CCM2: variants seen among roughly 807,000 people sequenced by gnomAD.
CCM2 encodes cerebral cavernous malformations 2 protein.
CCM2 carries 25 observed loss-of-function variants against 44.9 expected under a neutral mutation model. That is an observed-to-expected ratio of 0.56 (90% CI 0.41 to 0.78). The LOEUF is 0.78. CCM2 is among the 30% of genes least tolerant of loss of function. CCM2 has a pLI of 0.00. For missense variants in CCM2, 481 were observed against 580.6 expected (o/e 0.83, Z 1.76); for synonymous variants, 219 against 241.1 (o/e 0.91, Z 0.85).
At chr7:45,023,063 A>G (rs901578419) in intron 1 of CCM2, among the ~76,000 whole-genome samples, 4 of 152,006 alleles carry the variant, frequency 2.6e-5, no homozygotes, top group African/African-American at 9.7e-5. Flanking sequence ...TAGTGTACCC[A>G]TCACCCAAAA....
Position 45,038,352 on chromosome 7 carries a change from A to T in CCM2, c.130A>T (p.Thr44Ser), listed in dbSNP as rs746014166. ...GGTGACAGAGAGGCGCCCTCTGCAC[A>T]CTGTGGTGTTGTCATTGCCTGAGCG... is the stretch of plus-strand genomic sequence containing the variant. ...EKVTERRPLH[T>S]VVLSLPERVE... The change falls in exon 2 of 10, where the codon ACT becomes TCT. Residue 44 changes from threonine to serine, a missense_variant. Coordinates refer to ENST00000258781, the MANE Select transcript of CCM2 (RefSeq NM_031443.4). 9 of 1,614,062 alleles carry T rather than the reference A, an allele frequency of 5.6e-6. No individual in the cohort carries two copies. The South Asian group carries it at 8.8e-5, about 16-fold the overall frequency.
chr7:45,037,718 TG>T (rs769140910), intron 1 of CCM2, among the ~76,000 whole-genome samples: 13 of 152,206 alleles, frequency 8.5e-5, no homozygotes, highest in Middle Eastern at 3.4e-3. Flanking sequence ...GTGCCTGGCC[TG>T]GTTTCTCCCT....
chr7:45,049,508 A>T (rs890094262), intron 2 of CCM2, among the ~76,000 whole-genome samples: 2 of 152,200 alleles, frequency 1.3e-5, no homozygotes, highest in African/African-American at 4.8e-5. Context: ...TTTATCGCCG[A>T]GTGTTCACAT....
At chr7:45,074,156 G>T in intron 8 of CCM2, 114 bp from the exon 9 acceptor site, 1 of 1,572,648 alleles carries the variant, frequency 6.4e-7, no homozygotes. Flanking sequence ...GTGCAGAGGT[G>T]AAGCCAGAGA....
intron 1 of CCM2, among the ~76,000 whole-genome samples, chr7:45,036,767 A>G (rs932978342): frequency 3.9e-5 from 6 of 152,198 alleles, no homozygotes; most frequent in African/African-American, 1.4e-4. Flanking sequence ...GGAGAGAGAC[A>G]GAAATGAGAG....
intron 2 of CCM2, among the ~76,000 whole-genome samples, chr7:45,042,264 T>TAAAAAAAA (rs1412284392): frequency 2.5e-4 from 6 of 23,906 alleles, no homozygotes; most frequent in African/African-American, 5.6e-4. Flanking sequence ...AGATTCCATC[T>TAAAAAAAA]CAAAAAAAAA....
At chr7:45,030,224 G>A (rs942805253) in intron 1 of CCM2, among the ~76,000 whole-genome samples, 2 of 152,128 alleles carry the variant, frequency 1.3e-5, no homozygotes, top group Non-Finnish European at 2.9e-5. Context: ...TTGGTCCTTT[G>A]GTCTCTGAGG....
At chr7:45,042,913 G>A (rs1797577946) in intron 2 of CCM2, among the ~76,000 whole-genome samples, 2 of 151,662 alleles carry the variant, frequency 1.3e-5, no homozygotes, top group Middle Eastern at 3.2e-3. Flanking sequence ...AAACAGAAAG[G>A]GAGGGAACTC....
At chr7:45,032,647 C>T (rs1797021478) in intron 1 of CCM2, among the ~76,000 whole-genome samples, 1 of 152,172 alleles carries the variant, frequency 6.6e-6, no homozygotes, top group Non-Finnish European at 1.5e-5. Context: ...AACCAAAGGG[C>T]CTCCCCAGAT....
rs560968062 is a variant in CCM2 at position 45,034,976 on chromosome 7, A to G, written c.31-3277A>G. Reference sequence around the variant, plus strand: ...CTCAGCCTCCCAAGTAGCTGGTACTACATGCGTGAACCACCACACCTGGCT... The same window carrying G: ...CTCAGCCTCCCAAGTAGCTGGTACTGCATGCGTGAACCACCACACCTGGCT... On this transcript the variant is annotated intron_variant, in intron 1 of 9. Coordinates refer to ENST00000258781, the MANE Select transcript of CCM2 (RefSeq NM_031443.4). Among the ~76,000 whole-genome samples the G allele has an allele frequency of 1.6e-3, 243 of 152,310 alleles. 1 individual carries two copies. The highest frequency in any genetic ancestry group is 5.4e-3 in the African/African-American group (226 of 41,550).
At position 45,068,596 on chromosome 7, in the gene CCM2, C is replaced by T. The variant is rs1310987472; in HGVS notation, c.609+17C>T. ...GAGAGCAAGGTGAGACTTTCTCGCC[C>T]CACTTACTCAGAACTGGCTCCTCCC... On this transcript the variant is annotated intron_variant, in intron 5 of 9. Transcript: ENST00000258781. 2 of 1,613,608 alleles carry T rather than the reference C, an allele frequency of 1.2e-6. No individual in the cohort carries two copies. Among genetic ancestry groups the T allele is most frequent in the Admixed American group, 1.7e-5 (1 of 60,016 alleles).
intron 1 of CCM2, among the ~76,000 whole-genome samples, chr7:45,022,227 G>A (rs541055532): frequency 8.7e-5 from 13 of 148,648 alleles, no homozygotes; most frequent in East Asian, 7.9e-4. Context: ...TGTGGTTGGC[G>A]TTCAGAATTA....
chr7:45,019,342 C>T (rs1036708606), intron 1 of CCM2, among the ~76,000 whole-genome samples: 2 of 151,780 alleles, frequency 1.3e-5, no homozygotes, highest in Non-Finnish European at 1.5e-5. Flanking sequence ...CCTGGGATTA[C>T]AGGAATGAGC....
At chr7:45,041,968 C>T (rs576348155) in intron 2 of CCM2, among the ~76,000 whole-genome samples, 3 of 152,246 alleles carry the variant, frequency 2.0e-5, no homozygotes, top group African/African-American at 4.8e-5. Flanking sequence ...TGACCTTTGA[C>T]CCCTACTTGG....
intron 1 of CCM2, among the ~76,000 whole-genome samples, chr7:45,004,978 A>G (rs1288944871): frequency 7.1e-6 from 1 of 141,174 alleles, no homozygotes; most frequent in African/African-American, 2.8e-5. Context: ...CCTGGGCGAC[A>G]AGAGTAAGAC....
At chr7:45,036,930 T>C (rs148228726) in intron 1 of CCM2, among the ~76,000 whole-genome samples, 4 of 151,646 alleles carry the variant, frequency 2.6e-5, no homozygotes, top group Non-Finnish European at 5.9e-5. Flanking sequence ...GCAAAAGGAG[T>C]GTTGTCATCT....
In CCM2 at chr7:45,030,058, C is replaced by T. The variant is rs147900279; in HGVS notation, c.31-8195C>T. ...GCCCTGTGTTCCCTCCTCCTGGCTCCGTACTGTGGACTCTGGCAGGTCCCT... is the reference window on the plus strand; with the variant it reads ...GCCCTGTGTTCCCTCCTCCTGGCTCTGTACTGTGGACTCTGGCAGGTCCCT... On this transcript the variant is annotated intron_variant, in intron 1 of 9. Coordinates refer to ENST00000258781, the MANE Select transcript of CCM2 (RefSeq NM_031443.4). Among the ~76,000 whole-genome samples the T allele has an allele frequency of 8.5e-3, 1,287 of 152,296 alleles. 5 individuals carry two copies. The highest frequency in any genetic ancestry group is 0.017 in the Middle Eastern group (5 of 294).
chr7:45,066,445 C>A (rs1019333225), intron 4 of CCM2, among the ~76,000 whole-genome samples: 3 of 152,184 alleles, frequency 2.0e-5, no homozygotes, highest in Admixed American at 6.5e-5. Context: ...CTGCACTGGG[C>A]CGCCATGCTG....
At chr7:45,041,290 G>T (rs1398385909) in intron 2 of CCM2, among the ~76,000 whole-genome samples, 2 of 152,202 alleles carry the variant, frequency 1.3e-5, no homozygotes, top group African/African-American at 4.8e-5. Flanking sequence ...TTAAATGTTG[G>T]AAACTCCTGT....
Sources: gnomAD v4.1 joint callset for allele counts (sites outside exome capture counted in the v4.1 genomes callset) on GRCh38, gnomAD v4.1.1 for gene constraint, MANE v1.5 for transcripts, NCBI Gene and HGNC (gene_info 2026-07-23, HGNC 2026-07-21) for gene names.